The following ACAT1 variants were observed in gnomAD, a reference collection of about 807,000 sequenced individuals.
ACAT1 encodes acetyl-CoA acetyltransferase 1, also known as acetyl-CoA acetyltransferase, mitochondrial.
ACAT1 carries 28 observed loss-of-function variants against 47.3 expected under a neutral mutation model. That is an observed-to-expected ratio of 0.59 (90% confidence interval 0.44 to 0.81). The LOEUF (loss-of-function observed/expected upper bound fraction) is 0.81. ACAT1 is among the 30% of genes least tolerant of loss of function. The pLI is 0.00. For synonymous variants in ACAT1, 181 were observed against 173.6 expected, an observed-to-expected ratio of 1.04 and a Z score of -0.34; for missense variants, 469 against 524.3, an observed-to-expected ratio of 0.89 and a Z score of 1.03.
At chr11:108,128,029 G>A (rs2077285328) in intron 1 of ACAT1, 1 of 151,964 alleles carries the variant, frequency 6.6e-6, no homozygotes, top group South Asian at 2.1e-4. Flanking sequence ...AAAGAATACT[G>A]AGCTGGTAAG....
intron 5 of ACAT1, 112 bp downstream of exon 5, chr11:108,135,354 G>C (rs1276128102): frequency 9.7e-6 from 8 of 823,330 alleles, no homozygotes; most frequent in Non-Finnish European, 1.6e-5. Flanking sequence ...TCATAAGTTA[G>C]TATGTTTTCT....
At chr11:108,129,550 G>A (rs933595241) in intron 1 of ACAT1, among the ~76,000 whole-genome samples, 1 of 152,040 alleles carries the variant, frequency 6.6e-6, no homozygotes, top group Admixed American at 6.6e-5. Context: ...TGTATTTTTA[G>A]TAGAGTTGGG....
At chr11:108,118,603 C>T (rs1327470509), upstream of ACAT1, among the ~76,000 whole-genome samples, 1 of 152,136 alleles carries the variant, frequency 6.6e-6, no homozygotes, top group African/African-American at 2.4e-5. Context: ...ATCTCCTGAC[C>T]TTGTGATCCG....
chr11:108,122,885 TA>T (rs11323289), intron 1 of ACAT1, among the ~76,000 whole-genome samples: 3,809 of 146,846 alleles, frequency 0.026, 169 homozygotes, highest in African/African-American at 0.086. Context: ...TCTAGAGATG[TA>T]AAAAAAAAAA....
At chr11:108,138,487 C>G (rs1020782890) in intron 5 of ACAT1, among the ~76,000 whole-genome samples, 1 of 151,910 alleles carries the variant, frequency 6.6e-6, no homozygotes, top group Non-Finnish European at 1.5e-5. Context: ...ACCTCTGCCT[C>G]CCAGGTTCAA....
At chr11:108,120,990 C>T (rs1302773906), upstream of ACAT1, among the ~76,000 whole-genome samples, 1 of 152,120 alleles carries the variant, frequency 6.6e-6, no homozygotes, top group African/African-American at 2.4e-5. Flanking sequence ...CACTTGAGTC[C>T]AGGAGTTCAA....
At chr11:108,139,117 C>T in intron 6 of ACAT1, 76 bp downstream of exon 6, 1 of 1,563,206 alleles carries the variant, frequency 6.4e-7, no homozygotes, top group Non-Finnish European at 8.8e-7. Context: ...ATGTACTTTA[C>T]AAACTGAACT....
chr11:108,146,193 A>G lies in ACAT1; in HGVS notation c.1006-9A>G, dbSNP rs201711638. 6.2e-7 allele frequency: 1 copy of G among 1,603,236 alleles called. No homozygotes were observed. The highest frequency in any genetic ancestry group is 8.5e-7 in the Non-Finnish European group (1 of 1,171,002). ...ATTTGAACATCATCTGTCTTTTAAA[A>G]AATTTAAGGTTCTTAAAGATGTGGG... On this transcript the variant is annotated splice_polypyrimidine_tract_variant and intron_variant, in intron 10 of 11. Coordinates refer to ENST00000265838, the MANE Select transcript of ACAT1 (RefSeq NM_000019.4).
At chr11:108,141,904 A>G (rs913877525) in intron 8 of ACAT1, among the ~76,000 whole-genome samples, 7 of 152,202 alleles carry the variant, frequency 4.6e-5, no homozygotes, top group African/African-American at 1.7e-4. Context: ...TAACATGACT[A>G]TAGAATTCAG....
intron 6 of ACAT1, among the ~76,000 whole-genome samples, chr11:108,139,751 C>G (rs537699275): frequency 6.6e-6 from 1 of 152,102 alleles, no homozygotes; most frequent in East Asian, 1.9e-4. Context: ...GCCTCCGCCT[C>G]CTGGGCTCAA....
intron 10 of ACAT1, among the ~76,000 whole-genome samples, chr11:108,145,273 A>G (rs1374375320): frequency 1.3e-5 from 2 of 152,242 alleles, no homozygotes; most frequent in Non-Finnish European, 2.9e-5. Flanking sequence ...ACAGATGTAA[A>G]TATCTGTGGC....
chr11:108,136,127 C>G lies in ACAT1; in HGVS notation c.435+885C>G, dbSNP rs1401100243. 3 of 678,712 alleles carry G rather than the reference C, an allele frequency of 4.4e-6. No homozygotes were observed. The African/African-American group carries it at 5.4e-5, about 12-fold the overall frequency. The allele number at this position is 678,712 out of a possible 1,614,324, so 42.0% of individuals were successfully genotyped here. ...ATGCTGTCATGTCAGGAGGTGAGAC[C>G]TGGACACACAGAAGAATCAAGATTC... On this transcript the variant is annotated intron_variant, in intron 5 of 11. Transcript: ENST00000265838.
At chr11:108,125,242 G>A (rs1459026762) in intron 1 of ACAT1, among the ~76,000 whole-genome samples, 1 of 152,180 alleles carries the variant, frequency 6.6e-6, no homozygotes, top group African/African-American at 2.4e-5. Flanking sequence ...ACCTCTGCCT[G>A]GCATGGCTGA....
rs1425401797 is a variant in ACAT1 at position 108,133,899 on chromosome 11, T to G, written c.200T>G (p.Leu67Arg). ...GSLSLLPATK[L>R]GSIAIQGAIE... ...CTTTCCTTGCTGCCAGCCACTAAGC[T>G]TGGTTCCATTGCAATTCAGGGAGCC... Residue 67 changes from leucine (L) to arginine (R), a missense_variant, in exon 3 of 12, where the codon CTT (leucine) becomes CGT (arginine). Leu to Arg is a moderately radical substitution (Grantham distance 102). Coordinates refer to ENST00000265838, the MANE Select transcript of ACAT1 (RefSeq NM_000019.4). 6.2e-7 allele frequency: 1 copy of G among 1,614,168 alleles called. No individual in the cohort carries two copies. Among genetic ancestry groups the G allele is most frequent in the Admixed American group, 1.7e-5 (1 of 60,022 alleles).
chr11:108,122,363 C>T (rs747019500), intron 1 of ACAT1, among the ~76,000 whole-genome samples: 7 of 152,188 alleles, frequency 4.6e-5, no homozygotes, highest in African/African-American at 1.7e-4. Flanking sequence ...CAAGGGAGTA[C>T]GCACCACAGA....
chr11:108,139,765 A>G (rs1055647629), intron 6 of ACAT1, among the ~76,000 whole-genome samples: 4 of 151,906 alleles, frequency 2.6e-5, no homozygotes, highest in African/African-American at 4.8e-5. Flanking sequence ...GGCTCAAGCA[A>G]TTCTCCTGCC....
chr11:108,135,105 G>A (rs373331358), intron 4 of ACAT1, 37 bp from the exon 5 acceptor site: 5 of 1,439,092 alleles, frequency 3.5e-6, no homozygotes, highest in Non-Finnish European at 4.9e-6. Flanking sequence ...TTGTGTTTGA[G>A]TATCGGTTTT....
chr11:108,137,746 G>C (rs148758788), intron 5 of ACAT1, among the ~76,000 whole-genome samples: 1 of 151,922 alleles, frequency 6.6e-6, no homozygotes, highest in Non-Finnish European at 1.5e-5. Flanking sequence ...GTTTGAGACC[G>C]GCCTGGGTGA....
At chr11:108,137,721 C>G (rs959067709) in intron 5 of ACAT1, among the ~76,000 whole-genome samples, 3 of 152,020 alleles carry the variant, frequency 2.0e-5, no homozygotes, top group Admixed American at 2.0e-4. Flanking sequence ...GTGGGCGGAT[C>G]GCTTGAGTCT....
Sources: allele counts gnomAD v4.1 joint callset (sites outside exome capture counted in the v4.1 genomes callset), GRCh38; gene constraint gnomAD v4.1.1; transcripts MANE v1.5; gene names NCBI Gene and HGNC (gene_info 2026-07-23, HGNC 2026-07-21).